Variants in DLG2 observed in about 807,000 individuals in gnomAD.
DLG2 encodes the protein disks large homolog 2.
DLG2 carries 45 observed loss-of-function variants against 132.5 expected under a neutral mutation model. That is an observed-to-expected ratio of 0.34 (90% CI 0.27 to 0.44). The LOEUF (loss-of-function observed/expected upper bound fraction) is 0.44. DLG2 is among the 20% of genes least tolerant of loss of function. DLG2 has a pLI of 1.00. For missense variants in DLG2, 1,045 were observed against 1,196.9 expected (o/e 0.87, Z 1.87); for synonymous variants, 424 against 419.6 (o/e 1.01, Z -0.13).
intron 21 of DLG2, among the ~76,000 whole-genome samples, chr11:83,485,928 A>G (rs1326919856): frequency 6.6e-6 from 1 of 152,132 alleles, no homozygotes; most frequent in Non-Finnish European, 1.5e-5. Flanking sequence ...ATGCCCATTA[A>G]TAAGGTTTTA....
Position 83,694,325 on chromosome 11 carries a change from C to CAT in DLG2, c.1826-61002_1826-61001dup, listed in dbSNP as rs1403816993. On this transcript the variant is annotated intron_variant, in intron 18 of 27. Transcript: ENST00000376104. ...ATCCTACAGGGCTGCCTGTGTTCAGCATATTAAGTGCCTAAGAGAATAATG... is the reference window on the plus strand; with the variant it reads ...ATCCTACAGGGCTGCCTGTGTTCAGCATATATTAAGTGCCTAAGAGAATAATG... 3.3e-5 allele frequency among the ~76,000 whole-genome samples: 5 copies of CAT among 152,122 alleles called. No individual in the cohort carries two copies. In the East Asian group the frequency reaches 9.6e-4, roughly 29 times the overall value.
chr11:85,028,294 A>T (rs1309228411), intron 6 of DLG2, among the ~76,000 whole-genome samples: 1 of 152,132 alleles, frequency 6.6e-6, no homozygotes, highest in Non-Finnish European at 1.5e-5. Flanking sequence ...GGATTGGTCC[A>T]TGGGCAGCCA....
At chr11:83,933,236 T>C (rs542889555) in intron 14 of DLG2, among the ~76,000 whole-genome samples, 1 of 152,290 alleles carries the variant, frequency 6.6e-6, no homozygotes, top group South Asian at 2.1e-4. Context: ...AATCAGCCAG[T>C]CATAATTGAA....
chr11:84,005,432 A>G (rs1432322287), intron 11 of DLG2, among the ~76,000 whole-genome samples: 1 of 151,948 alleles, frequency 6.6e-6, no homozygotes, highest in East Asian at 1.9e-4. Context: ...CATGACACTA[A>G]TCTAGGCAAA....
chr11:83,468,510 A>C (rs2091520604), intron 25 of DLG2, among the ~76,000 whole-genome samples: 1 of 152,196 alleles, frequency 6.6e-6, no homozygotes, highest in African/African-American at 2.4e-5. Flanking sequence ...ATTCTTAGAT[A>C]GACATCAAAA....
intron 19 of DLG2, among the ~76,000 whole-genome samples, chr11:83,578,340 C>G (rs1441723689): frequency 1.3e-5 from 2 of 151,702 alleles, no homozygotes; most frequent in Non-Finnish European, 2.9e-5. Flanking sequence ...AACCTCCAAA[C>G]AGACATGCAA....
intron 6 of DLG2, among the ~76,000 whole-genome samples, chr11:84,971,004 T>C (rs544945124): frequency 5.3e-4 from 81 of 152,276 alleles, no homozygotes; most frequent in Non-Finnish European, 9.6e-4. Flanking sequence ...TTACTTGGGG[T>C]ATAAGGAAGT....
At chr11:84,151,194 G>C (rs1175404951) in intron 9 of DLG2, among the ~76,000 whole-genome samples, 8 of 151,526 alleles carry the variant, frequency 5.3e-5, no homozygotes, top group Admixed American at 3.3e-4. Context: ...GTTTCAGTAA[G>C]ATTGGCTTTT....
At chr11:84,106,043 T>C (rs1356588547) in intron 9 of DLG2, among the ~76,000 whole-genome samples, 5 of 152,056 alleles carry the variant, frequency 3.3e-5, no homozygotes, top group Non-Finnish European at 7.4e-5. Flanking sequence ...ACTTGAACAT[T>C]GGCCATGAAG....
chr11:85,421,700 CA>C (rs1478157013), intron 3 of DLG2, among the ~76,000 whole-genome samples: 1 of 152,018 alleles, frequency 6.6e-6, no homozygotes, highest in Non-Finnish European at 1.5e-5. Flanking sequence ...TTCCATTCAT[CA>C]TGCTATTTGT....
At chr11:84,343,361 C>A (rs1301312114) in intron 7 of DLG2, among the ~76,000 whole-genome samples, 1 of 152,148 alleles carries the variant, frequency 6.6e-6, no homozygotes, top group Non-Finnish European at 1.5e-5. Flanking sequence ...TATATCCCCC[C>A]AACCTAAGGG....
intron 6 of DLG2, among the ~76,000 whole-genome samples, chr11:84,974,502 G>T (rs749977759): frequency 6.6e-6 from 1 of 152,268 alleles, no homozygotes; most frequent in Non-Finnish European, 1.5e-5. Context: ...CATCTGGAAT[G>T]GTTAGCATAC....
At chr11:84,842,686 A>T (rs1369583266) in intron 6 of DLG2, among the ~76,000 whole-genome samples, 2 of 151,896 alleles carry the variant, frequency 1.3e-5, no homozygotes, top group South Asian at 2.1e-4. Context: ...TAGTAGGAGG[A>T]TCTAAATAAA....
At chr11:83,922,719 GA>G (rs1365692206) in intron 15 of DLG2, among the ~76,000 whole-genome samples, 3 of 152,118 alleles carry the variant, frequency 2.0e-5, no homozygotes, top group Non-Finnish European at 4.4e-5. Context: ...GAGTGAACGT[GA>G]TTAAGGCTCT....
intron 18 of DLG2, among the ~76,000 whole-genome samples, chr11:83,708,990 C>T (rs2084717177): frequency 6.6e-6 from 1 of 152,052 alleles, no homozygotes; most frequent in African/African-American, 2.4e-5. Context: ...GTGCCCATTT[C>T]CCTGACTTTA....
intron 21 of DLG2, among the ~76,000 whole-genome samples, chr11:83,529,426 G>C (rs1363275431): frequency 6.6e-6 from 1 of 152,022 alleles, no homozygotes; most frequent in African/African-American, 2.4e-5. Context: ...ATAAAGATTT[G>C]AAAAACTTTG....
At chr11:85,258,885 A>C (rs2076797546) in intron 4 of DLG2, among the ~76,000 whole-genome samples, 1 of 152,280 alleles carries the variant, frequency 6.6e-6, no homozygotes, top group East Asian at 1.9e-4. Context: ...GTTCAGGCAA[A>C]GTGTTGTGTT....
chr11:83,994,027 T>TAG (rs1309683087), intron 11 of DLG2, among the ~76,000 whole-genome samples: 1 of 152,144 alleles, frequency 6.6e-6, no homozygotes, highest in African/African-American at 2.4e-5. Context: ...ACATCTCCTC[T>TAG]GAAAAGTTCT....
intron 18 of DLG2, among the ~76,000 whole-genome samples, chr11:83,748,293 G>A (rs1453455553): frequency 6.6e-6 from 1 of 152,148 alleles, no homozygotes; most frequent in African/African-American, 2.4e-5. Context: ...ACTAGTTCCA[G>A]ATCTCTAACT....
Sources: gnomAD v4.1 joint callset for allele counts (sites outside exome capture counted in the v4.1 genomes callset) on GRCh38, gnomAD v4.1.1 for gene constraint, MANE v1.5 for transcripts, NCBI Gene and HGNC (gene_info 2026-07-23, HGNC 2026-07-21) for gene names.